Variants in PMEL observed in about 807,000 individuals in gnomAD.
The protein encoded by PMEL is melanocyte protein PMEL.
Under a neutral mutation model 64.9 loss-of-function variants are expected in PMEL, and 53 were observed. The ratio of observed to expected loss-of-function variants is 0.82; its 90% CI spans 0.66 to 1.03. The LOEUF is 1.03. Ranked by LOEUF, PMEL falls within the 50% of genes least tolerant of loss-of-function variation. The pLI is 0.00. For synonymous variants in PMEL, 299 were observed against 316.2 expected (o/e 0.95, Z 0.58); for missense variants, 716 against 814.9 (o/e 0.88, Z 1.48).
At chr12:55,958,287 T>C in intron 4 of PMEL, 186 bp downstream of exon 4, 1 of 776,198 alleles carries the variant, frequency 1.3e-6, no homozygotes, top group Non-Finnish European at 2.0e-6. Context: ...GAGGAAGAGT[T>C]GCCAGAAAGA....
chr12:55,966,296 A>G (rs1889297290), upstream of PMEL: 1 of 486,698 alleles, frequency 2.1e-6, no homozygotes, highest in Admixed American at 3.5e-5. Context: ...CACATACCAG[A>G]CACAACAGTT....
intron 1 of PMEL, among the ~76,000 whole-genome samples, chr12:55,964,690 A>AG (rs2136451524): frequency 6.6e-6 from 1 of 151,282 alleles, no homozygotes; most frequent in Admixed American, 6.6e-5. Context: ...CAATGGTGTG[A>AG]TCTCGGCTCA....
At position 55,963,044 on chromosome 12, in the gene PMEL, C is replaced by T. The variant is rs571293102; in HGVS notation, c.77-1312G>A. Among the ~76,000 whole-genome samples the T allele has an allele frequency of 1.3e-4, 19 of 151,868 alleles. 1 individual carries two copies. The South Asian group carries it at 3.5e-3, about 28-fold the overall frequency. ...TGGTAGTGGGCACCTGTAGTTCCAGCTACTCAGGGGGCTGAGGCAGGAGAA... is the reference window on the plus strand; with the variant it reads ...TGGTAGTGGGCACCTGTAGTTCCAGTTACTCAGGGGGCTGAGGCAGGAGAA... On this transcript the variant is annotated intron_variant, in intron 1 of 10. Coordinates refer to ENST00000548747, the MANE Select transcript of PMEL (RefSeq NM_001384361.1).
At chr12:55,956,697 A>G (rs1351832850) in intron 6 of PMEL, among the ~76,000 whole-genome samples, 1 of 152,214 alleles carries the variant, frequency 6.6e-6, no homozygotes, top group East Asian at 1.9e-4. Context: ...GGTCTCGCCA[A>G]CCGTTCTCAG....
rs559745283 is a variant in PMEL, at chr12:55,965,623, G to A, written c.76+313C>T. ...CTTTAAATCTCCTACCCCAAGAGAC[G>A]TTTCCTAAAAGAGTCTCCTGCACAT... On this transcript the variant is annotated intron_variant, in intron 1 of 10. Coordinates refer to ENST00000548747, the MANE Select transcript of PMEL (RefSeq NM_001384361.1). 4.6e-5 allele frequency among the ~76,000 whole-genome samples: 7 copies of A among 152,192 alleles called. No homozygotes were observed. In the East Asian group the frequency reaches 7.7e-4, roughly 17 times the overall value.
At chr12:55,964,396 C>G (rs1889210270) in intron 1 of PMEL, among the ~76,000 whole-genome samples, 1 of 151,772 alleles carries the variant, frequency 6.6e-6, no homozygotes, top group Non-Finnish European at 1.5e-5. Flanking sequence ...CCAACTTCAG[C>G]TGATCCACCT....
intron 7 of PMEL, 89 bp from the exon 8 acceptor site, chr12:55,955,952 C>A: frequency 8.2e-7 from 1 of 1,214,572 alleles, no homozygotes; most frequent in Non-Finnish European, 1.2e-6. Context: ...GCTGCTCCAC[C>A]AATCCCATCC....
chr12:55,957,808 C>G (rs1244742934), intron 5 of PMEL, 115 bp downstream of exon 5: 8 of 1,511,904 alleles, frequency 5.3e-6, no homozygotes, highest in Non-Finnish European at 6.3e-6. Flanking sequence ...CTAGGTCTTC[C>G]TGGCCCTTCT....
At position 55,957,132 on chromosome 12, in the gene PMEL, C is replaced by T; in HGVS notation, c.1171G>A (p.Glu391Lys). Residue 391 changes from glutamate (E) to lysine (K), a missense_variant, in exon 6 of 11, where the codon GAG (glutamate) becomes AAG (lysine). Transcript: ENST00000548747. ...VSEVMGTTLA[E>K]MSTPEATGMT... ...CCTGTAGCCTCTGGAGTTGACATCT[C>T]TGCCAGTGTGGTACCCATGACCTCT... 1.2e-6 allele frequency: 2 copies of T among 1,614,070 alleles called. No individual in the cohort carries two copies. Among genetic ancestry groups the T allele is most frequent in the East Asian group, 4.5e-5 (2 of 44,904 alleles).
chr12:55,957,209 T>C lies in PMEL; in HGVS notation c.1094A>G (p.Gln365Arg), dbSNP rs1208495073. 1.2e-6 allele frequency: 2 copies of C among 1,614,232 alleles called. No individual in the cohort carries two copies. The highest frequency in any genetic ancestry group is 1.3e-5 in the African/African-American group (1 of 75,050). ...ACCTGTGCTCTCTGCAGTTGGCATC[T>C]GCACAGGTGCAGTGCTTATGACTTC... Reference protein sequence around the residue: ...TTEVISTAPVQMPTAESTGMT... With the variant: ...TTEVISTAPVRMPTAESTGMT... The change falls in exon 6 of 11, where the codon CAG becomes CGG. Residue 365 changes from glutamine (Q) to arginine (R), a missense_variant. Gln to Arg is a conservative substitution (Grantham distance 43). Transcript: ENST00000548747.
rs1888839797 is a variant in PMEL at position 55,955,582 on chromosome 12, TG to T, written c.1643del (p.Pro548GlnfsTer11). Reference sequence around the variant, plus strand: ...TCTGGTGCAGAACCAGCTGGCAGGCTGGGCTGGGTAGCACAGGCTGGCACAG... The same window carrying T: ...TCTGGTGCAGAACCAGCTGGCAGGCTGGCTGGGTAGCACAGGCTGGCACAG... ...QRLCQPVLPSPACQLVLHQIL... is the reference protein window; with the variant it reads ...QRLCQPVLPSXACQLVLHQIL... On this transcript the variant is annotated frameshift_variant, in exon 9 of 11. Transcript: ENST00000548747. LOFTEE classifies it high-confidence loss of function. 2 of 1,614,042 alleles carry T rather than the reference TG, an allele frequency of 1.2e-6. No homozygotes were observed. The highest frequency in any genetic ancestry group is 4.5e-5 in the East Asian group (2 of 44,880).
At chr12:55,964,218 T>C (rs1889204656) in intron 1 of PMEL, among the ~76,000 whole-genome samples, 1 of 149,642 alleles carries the variant, frequency 6.7e-6, no homozygotes, top group Non-Finnish European at 1.5e-5. Flanking sequence ...TGGAGTACAA[T>C]GGCACGATCT....
At position 55,957,009 on chromosome 12, in the gene PMEL, G is replaced by C; in HGVS notation, c.1294C>G (p.Pro432Ala). ...TCTGGACCTTCAGGCTCAGGGATAG[G>C]TAGCTCTCTAGCTGTGGTCTCCACC... The part of the protein sequence containing the change: ...EWVETTAREL[P>A]IPEPEGPDAS... Residue 432 changes from proline (P) to alanine (A), a missense_variant, in exon 6 of 11, where the codon CCT becomes GCT. Transcript: ENST00000548747. 2 of 1,614,180 alleles carry C rather than the reference G, an allele frequency of 1.2e-6. No homozygotes were observed. The highest frequency in any genetic ancestry group is 1.7e-6 in the Non-Finnish European group (2 of 1,180,006).
At chr12:55,959,460 CA>C (rs1358452522) in intron 3 of PMEL, among the ~76,000 whole-genome samples, 3 of 150,558 alleles carry the variant, frequency 2.0e-5, no homozygotes, top group Non-Finnish European at 3.0e-5. Context: ...TATATATAGC[CA>C]CATATCAAAA....
chr12:55,956,458 A>G (rs928282337), intron 6 of PMEL: 15 of 470,690 alleles, frequency 3.2e-5, no homozygotes, highest in African/African-American at 2.5e-4. Flanking sequence ...AAAAATCCTC[A>G]AATGTTTATC....
chr12:55,963,396 T>C (rs531642814), intron 1 of PMEL, among the ~76,000 whole-genome samples: 8 of 152,356 alleles, frequency 5.3e-5, no homozygotes, highest in Admixed American at 3.9e-4. Context: ...TTGTTTATCC[T>C]TACTAGTTGT....
Position 55,961,572 on chromosome 12 carries a change from T to C in PMEL, c.187+50A>G, listed in dbSNP as rs769839615. 5 of 1,595,954 alleles carry C rather than the reference T, an allele frequency of 3.1e-6. No homozygotes were observed. In the Admixed American group the frequency reaches 8.3e-5, roughly 27 times the overall value. On this transcript the variant is annotated intron_variant, in intron 2 of 10. Coordinates refer to ENST00000548747, the MANE Select transcript of PMEL (RefSeq NM_001384361.1). Reference sequence around the variant, plus strand: ...CTCGATGCAGTTCAGCTTGCTTTTTTCCTCATCCCACTCCCACCATGCCCT... The same window carrying C: ...CTCGATGCAGTTCAGCTTGCTTTTTCCCTCATCCCACTCCCACCATGCCCT...
At position 55,954,217 on chromosome 12, in the gene PMEL, G is replaced by C; in HGVS notation, c.1983C>G (p.Val661=). The C allele has an allele frequency of 1.2e-6, 2 of 1,610,436 alleles. No individual in the cohort carries two copies. Among genetic ancestry groups the C allele is most frequent in the African/African-American group, 1.3e-5 (1 of 74,906 alleles). ...ENSPLLSGQQ[V] ...TCACAGCATCATATGAGAGTACTCA[G>C]ACCTGCTGCCCACTGAGGAGGGGGC... Residue 661 remains valine (V), a synonymous_variant, in exon 11 of 11, where the codon GTC becomes GTG. Transcript: ENST00000548747.
At chr12:55,961,597 TC>T (rs1374906086) in intron 2 of PMEL, 24 bp downstream of exon 2, 1 of 1,600,214 alleles carries the variant, frequency 6.2e-7, no homozygotes, top group Admixed American at 1.7e-5. Context: ...CACCATGCCC[TC>T]CCCTGGAACT....
Sources: allele counts gnomAD v4.1 joint callset (sites outside exome capture counted in the v4.1 genomes callset), GRCh38; gene constraint gnomAD v4.1.1; transcripts MANE v1.5; gene names NCBI Gene and HGNC (gene_info 2026-07-23, HGNC 2026-07-21).